POLQ: variants seen among roughly 807,000 people sequenced by gnomAD.
POLQ encodes the protein epididymis secretory sperm binding protein.
A neutral mutation model predicts 259.2 loss-of-function variants in POLQ; 233 were observed. The observed-to-expected ratio is 0.90, with a 90% CI of 0.81 to 1.00. The LOEUF (loss-of-function observed/expected upper bound fraction) is 1.00. Ranked by LOEUF, POLQ falls within the 50% of genes least tolerant of loss-of-function variation. The pLI is 0.00. For missense variants in POLQ, 2,871 were observed against 3,051.6 expected, an observed-to-expected ratio of 0.94 and a Z score of 1.39; for synonymous variants, 1,025 against 1,048.8, an observed-to-expected ratio of 0.98 and a Z score of 0.44.
chr3:121,457,014 T>C (rs1087308), intron 25 of POLQ, among the ~76,000 whole-genome samples: 118,402 of 152,058 alleles, frequency 0.78, 46,144 homozygotes, highest in East Asian at 0.89. Flanking sequence ...CAAAACAGCA[T>C]GGTACTGGTA....
chr3:121,455,457 A>G (rs2047725645), intron 25 of POLQ, among the ~76,000 whole-genome samples: 1 of 151,022 alleles, frequency 6.6e-6, no homozygotes, highest in South Asian at 2.1e-4. Context: ...GGTTTTTTGA[A>G]AGGATCAACA....
intron 26 of POLQ, among the ~76,000 whole-genome samples, chr3:121,444,894 T>C (rs1576398648): frequency 6.6e-6 from 1 of 152,222 alleles, no homozygotes; most frequent in Non-Finnish European, 1.5e-5. Flanking sequence ...ATATGATGTA[T>C]CACATTGATA....
chr3:121,482,520 CA>C (rs34216699), intron 18 of POLQ, among the ~76,000 whole-genome samples: 47 of 139,604 alleles, frequency 3.4e-4, no homozygotes, highest in Admixed American at 2.9e-4. Context: ...AACTTCGTCT[CA>C]AAAAAAAAAA....
intron 22 of POLQ, among the ~76,000 whole-genome samples, chr3:121,471,228 G>A (rs2047881440): frequency 6.6e-6 from 1 of 151,916 alleles, no homozygotes; most frequent in South Asian, 2.1e-4. Context: ...ATAACCAAAG[G>A]ACTCTACAGC....
At chr3:121,453,144 A>G (rs757655256) in intron 25 of POLQ, among the ~76,000 whole-genome samples, 4 of 152,212 alleles carry the variant, frequency 2.6e-5, no homozygotes, top group African/African-American at 9.6e-5. Flanking sequence ...TGGAGTGGAC[A>G]TCTAGCAAAC....
At position 121,484,952 on chromosome 3, in the gene POLQ, T is replaced by C. The variant is rs75008714; in HGVS notation, c.5773+89A>G. The C allele has an allele frequency of 4.5e-4, 461 of 1,016,426 alleles. 3 individuals are homozygous for C. The African/African-American group carries it at 6.8e-3, about 15-fold the overall frequency. The allele number at this position is 1,016,426 out of a possible 1,614,324, so 63.0% of individuals were successfully genotyped here. ...TCTAAAAATAAATCCTAGGTAAATA[T>C]CAGGAAATTATTCTCAAAATATAAG... On this transcript the variant is annotated intron_variant, in intron 17 of 29. Coordinates refer to ENST00000264233, the MANE Select transcript of POLQ (RefSeq NM_199420.4).
chr3:121,542,004 C>T (rs548145105), intron 2 of POLQ, among the ~76,000 whole-genome samples: 4 of 151,764 alleles, frequency 2.6e-5, no homozygotes, highest in South Asian at 2.1e-4. Flanking sequence ...GGCGTGGTGG[C>T]GGGCACCTGT....
rs780241473 is a variant in POLQ, at chr3:121,487,805, T to C, written c.5126A>G (p.Glu1709Gly). The change falls in exon 16 of 30, where the codon GAA becomes GGA. Residue 1709 changes from glutamate to glycine, a missense_variant. Around this residue, in one of 3 missense-constraint regions of POLQ, gnomAD observed 2,080 missense variants for 2,126.0 expected, o/e 0.98. Coordinates refer to ENST00000264233, the MANE Select transcript of POLQ (RefSeq NM_199420.4). ...NEVKSKIEML[E>G]NNANHDETSS... is the part of the protein sequence containing the mutation. ...GGTTTCATCATGATTGGCATTGTTT[T>C]CTAGCATCTCAATCTTGCTTTTTAC... is the stretch of plus-strand genomic sequence containing the variant. 3.1e-6 allele frequency: 5 copies of C among 1,610,160 alleles called. No individual in the cohort carries two copies. Among genetic ancestry groups the C allele is most frequent in the Non-Finnish European group, 4.2e-6 (5 of 1,178,740 alleles).
chr3:121,442,726 T>C (rs540806215), intron 26 of POLQ, among the ~76,000 whole-genome samples: 1 of 152,346 alleles, frequency 6.6e-6, no homozygotes, highest in South Asian at 2.1e-4. Context: ...ATCCTGGCTA[T>C]TGTGAATAGT....
chr3:121,481,045 T>G (rs574050114), intron 19 of POLQ, among the ~76,000 whole-genome samples: 1 of 152,318 alleles, frequency 6.6e-6, no homozygotes, highest in Non-Finnish European at 1.5e-5. Context: ...TTCATGTTAT[T>G]TGTCATGAGG....
chr3:121,504,986 A>C (rs1294013650), intron 12 of POLQ, among the ~76,000 whole-genome samples: 1 of 152,180 alleles, frequency 6.6e-6, no homozygotes, highest in Non-Finnish European at 1.5e-5. Flanking sequence ...GTCCCCACCG[A>C]ATTTCATGTT....
chr3:121,463,494 T>C (rs1204231370), intron 24 of POLQ, among the ~76,000 whole-genome samples: 1 of 152,184 alleles, frequency 6.6e-6, no homozygotes, highest in African/African-American at 2.4e-5. Context: ...AACCTAACAG[T>C]ATGATAGATC....
intron 9 of POLQ, among the ~76,000 whole-genome samples, chr3:121,516,722 C>G (rs2048300098): frequency 1.3e-5 from 2 of 152,202 alleles, no homozygotes; most frequent in Admixed American, 6.5e-5. Context: ...ACACCATGTG[C>G]TGTCCAGGAA....
Position 121,489,528 on chromosome 3 carries a change from C to G in POLQ, c.3403G>C (p.Glu1135Gln). 6.2e-7 allele frequency: 1 copy of G among 1,613,514 alleles called. No homozygotes were observed. The highest frequency in any genetic ancestry group is 1.7e-5 in the Admixed American group (1 of 59,932). Residue 1135 changes from glutamate to glutamine, a missense_variant, in exon 16 of 30, where the codon GAG (glutamate) becomes CAG (glutamine). Around this residue, in one of 3 missense-constraint regions of POLQ, gnomAD observed 2,080 missense variants for 2,126.0 expected, o/e 0.98. Coordinates refer to ENST00000264233, the MANE Select transcript of POLQ (RefSeq NM_199420.4). ...NITLTNDNFV[E>Q]HIVTGSQSKN... ...CTCTGAGATCCTGTGACAATATGCT[C>G]CACAAAATTATCATTAGTTAGTGTT... is the stretch of plus-strand genomic sequence containing the variant.
intron 22 of POLQ, among the ~76,000 whole-genome samples, chr3:121,469,875 T>TA (rs1450682616): frequency 6.6e-6 from 1 of 152,184 alleles, no homozygotes; most frequent in African/African-American, 2.4e-5. Flanking sequence ...AAATCACTAA[T>TA]AAGTAAAATC....
chr3:121,504,538 T>C (rs1199138667), intron 12 of POLQ, among the ~76,000 whole-genome samples: 4 of 152,186 alleles, frequency 2.6e-5, no homozygotes, highest in Non-Finnish European at 5.9e-5. Context: ...TCCTAAATCA[T>C]ACTGTGCAGT....
intron 25 of POLQ, among the ~76,000 whole-genome samples, chr3:121,453,072 C>T (rs1003884208): frequency 1.3e-5 from 2 of 152,174 alleles, no homozygotes; most frequent in African/African-American, 2.4e-5. Flanking sequence ...CAGCAGCATT[C>T]GCAGTTTACG....
chr3:121,439,165 T>G (rs1294179812), intron 27 of POLQ, among the ~76,000 whole-genome samples: 1 of 151,762 alleles, frequency 6.6e-6, no homozygotes, highest in African/African-American at 2.4e-5. Flanking sequence ...ATCTTTTAAG[T>G]GCCGTTAAAA....
At chr3:121,460,305 A>G in intron 24 of POLQ, 71 bp from the exon 25 acceptor site, 1 of 1,164,284 alleles carries the variant, frequency 8.6e-7, no homozygotes, top group Non-Finnish European at 1.2e-6. Context: ...TCTATATCAT[A>G]TAATTGAGCA....
Sources: gnomAD v4.1 joint callset for allele counts (sites outside exome capture counted in the v4.1 genomes callset) on GRCh38, gnomAD v4.1.1 for gene constraint, gnomAD v4.1.1 regional missense constraint, MANE v1.5 for transcripts, NCBI Gene and HGNC (gene_info 2026-07-23, HGNC 2026-07-21) for gene names.